The following USH2A variants were observed in gnomAD, a reference collection of about 807,000 sequenced individuals.
USH2A encodes the protein Usher syndrome 2A (autosomal recessive, mild).
Under a neutral mutation model 538.9 loss-of-function variants are expected in USH2A, and 443 were observed. The observed-to-expected ratio is 0.82, with a 90% CI of 0.76 to 0.89. The LOEUF (loss-of-function observed/expected upper bound fraction) is 0.89. Ranked by LOEUF, USH2A falls within the 40% of genes least tolerant of loss-of-function variation. The pLI is 0.00. For synonymous variants in USH2A, 2,413 were observed against 2,273.5 expected (o/e 1.06, Z -1.75); for missense variants, 6,633 against 6,324.8 (o/e 1.05, Z -1.65).
intron 38 of USH2A, among the ~76,000 whole-genome samples, chr1:215,934,072 C>T (rs1666431276): frequency 6.6e-6 from 1 of 151,748 alleles, no homozygotes. Flanking sequence ...TGAATGTGGC[C>T]CTGCTGAACT....
chr1:216,136,272 C>T (rs1202812084), intron 21 of USH2A, among the ~76,000 whole-genome samples: 2 of 152,056 alleles, frequency 1.3e-5, no homozygotes, highest in South Asian at 2.1e-4. Flanking sequence ...AAAACTCATG[C>T]TAAAATAAAT....
chr1:216,142,281 G>T (rs1261069130), intron 21 of USH2A, among the ~76,000 whole-genome samples: 1 of 152,146 alleles, frequency 6.6e-6, no homozygotes, highest in Non-Finnish European at 1.5e-5. Flanking sequence ...ATTACGTTTG[G>T]CAATGATTTG....
At chr1:215,700,292 G>C (rs370111210) in intron 61 of USH2A, among the ~76,000 whole-genome samples, 3 of 152,124 alleles carry the variant, frequency 2.0e-5, no homozygotes, top group Non-Finnish European at 1.5e-5. Flanking sequence ...TCTCTGCCAG[G>C]TTTTGGTATC....
intron 11 of USH2A, among the ~76,000 whole-genome samples, chr1:216,254,296 A>G (rs2036218535): frequency 6.6e-6 from 1 of 152,162 alleles, no homozygotes; most frequent in Admixed American, 6.6e-5. Flanking sequence ...GTTTACTTCT[A>G]TAGATTCCAC....
At chr1:216,039,165 G>A (rs927321930) in intron 32 of USH2A, among the ~76,000 whole-genome samples, 3 of 151,950 alleles carry the variant, frequency 2.0e-5, no homozygotes, top group African/African-American at 4.8e-5. Context: ...TTTGTTGCTC[G>A]ATGAATAAGA....
At chr1:216,101,794 T>A (rs2032586151) in intron 21 of USH2A, among the ~76,000 whole-genome samples, 1 of 152,232 alleles carries the variant, frequency 6.6e-6, no homozygotes, top group African/African-American at 2.4e-5. Flanking sequence ...ATCTCTATAT[T>A]CATTCATTCA....
At chr1:216,313,431 T>C (rs1463755515) in intron 9 of USH2A, among the ~76,000 whole-genome samples, 1 of 152,182 alleles carries the variant, frequency 6.6e-6, no homozygotes, top group Non-Finnish European at 1.5e-5. Flanking sequence ...TACCCCAAGG[T>C]GCAACAGAAT....
chr1:215,804,455 C>A (rs1662434136), intron 49 of USH2A, among the ~76,000 whole-genome samples: 1 of 151,724 alleles, frequency 6.6e-6, no homozygotes, highest in African/African-American at 2.4e-5. Flanking sequence ...CAAACAACCC[C>A]ATCAAAAAGT....
intron 4 of USH2A, among the ~76,000 whole-genome samples, chr1:216,339,948 T>TA (rs2038044372): frequency 6.6e-6 from 1 of 150,492 alleles, no homozygotes; most frequent in African/African-American, 2.4e-5. Flanking sequence ...AGCAAACAAA[T>TA]AAAAAAATCT....
chr1:215,831,467 A>G (rs1663313464), intron 47 of USH2A, among the ~76,000 whole-genome samples: 1 of 152,128 alleles, frequency 6.6e-6, no homozygotes, highest in Non-Finnish European at 1.5e-5. Flanking sequence ...GGGCCCTGAA[A>G]AAACTGTAAC....
At position 215,696,147 on chromosome 1, in the gene USH2A, G is replaced by C. The variant is rs749132869; in HGVS notation, c.12067-15771C>G. Among the ~76,000 whole-genome samples, 10 of 152,104 alleles carry C rather than the reference G, an allele frequency of 6.6e-5. No individual in the cohort carries two copies. The East Asian group carries it at 1.9e-3, about 29-fold the overall frequency. ...TAAGCTGTCAACAAACACATATTTT[G>C]TTTGTTATATGTATTATATACTGCA... On this transcript the variant is annotated intron_variant, in intron 61 of 71. Transcript: ENST00000307340.
chr1:216,301,925 C>T (rs2037223387), intron 9 of USH2A, among the ~76,000 whole-genome samples: 1 of 152,148 alleles, frequency 6.6e-6, no homozygotes, highest in Non-Finnish European at 1.5e-5. Flanking sequence ...TTCAAGGCTT[C>T]CCCTTTCCTC....
chr1:215,936,653 G>A (rs1444731513), intron 37 of USH2A, among the ~76,000 whole-genome samples: 2 of 152,004 alleles, frequency 1.3e-5, no homozygotes, highest in African/African-American at 4.8e-5. Flanking sequence ...ATACATTCTA[G>A]CCATTCAGAA....
intron 61 of USH2A, among the ~76,000 whole-genome samples, chr1:215,718,896 G>A (rs991033453): frequency 3.9e-5 from 6 of 152,202 alleles, no homozygotes. Flanking sequence ...CTGTTAGTAT[G>A]TGGACTAGTT....
At chr1:216,102,738 T>G (rs2032620460) in intron 21 of USH2A, among the ~76,000 whole-genome samples, 1 of 152,160 alleles carries the variant, frequency 6.6e-6, no homozygotes, top group African/African-American at 2.4e-5. Flanking sequence ...AGGCGGAGCT[T>G]GCAGTGAGTG....
intron 34 of USH2A, among the ~76,000 whole-genome samples, chr1:215,998,498 C>G (rs1453779524): frequency 1.3e-5 from 2 of 151,978 alleles, no homozygotes; most frequent in African/African-American, 4.8e-5. Flanking sequence ...AATATAAGAT[C>G]TAAATTTTCA....
intron 4 of USH2A, among the ~76,000 whole-genome samples, chr1:216,331,730 T>C (rs2037866933): frequency 6.6e-6 from 1 of 152,142 alleles, no homozygotes; most frequent in Non-Finnish European, 1.5e-5. Flanking sequence ...ATTAAAACTT[T>C]TAAATACTAT....
At chr1:216,279,905 T>G (rs1558360541) in intron 11 of USH2A, among the ~76,000 whole-genome samples, 1 of 152,008 alleles carries the variant, frequency 6.6e-6, no homozygotes, top group Non-Finnish European at 1.5e-5. Flanking sequence ...TGGAGGTGGC[T>G]ATAGCAGGGA....
At chr1:215,863,651 G>A (rs1030387283) in intron 44 of USH2A, among the ~76,000 whole-genome samples, 4 of 139,590 alleles carry the variant, frequency 2.9e-5, no homozygotes, top group African/African-American at 9.9e-5. Flanking sequence ...TAGGAAGAAA[G>A]AGAGAGAGAG....
Sources: gnomAD v4.1 joint callset for allele counts (sites outside exome capture counted in the v4.1 genomes callset) on GRCh38, gnomAD v4.1.1 for gene constraint, MANE v1.5 for transcripts, NCBI Gene and HGNC (gene_info 2026-07-23, HGNC 2026-07-21) for gene names.